C1QTNF8: variants seen among roughly 807,000 people sequenced by gnomAD.
C1QTNF8 encodes complement C1q tumor necrosis factor-related protein 8.
A neutral mutation model predicts 19.2 loss-of-function variants in C1QTNF8; 27 were observed. The observed-to-expected ratio is 1.41, with a 90% CI of 1.04 to 1.94. The LOEUF (loss-of-function observed/expected upper bound fraction) is 1.94. Ranked by LOEUF, C1QTNF8 falls within the 30% of genes most tolerant of loss-of-function variation. C1QTNF8 has a pLI of 0.00. For synonymous variants in C1QTNF8, 208 were observed against 172.8 expected (o/e 1.20, Z -1.60); for missense variants, 484 against 374.4 (o/e 1.29, Z -2.42).
intron 4 of C1QTNF8, 41 bp downstream of exon 4, chr16:1,093,456 A>ACGCG (rs138526622): frequency 0.029 from 33,289 of 1,157,054 alleles, 2,027 homozygotes; most frequent in African/African-American, 0.22. Flanking sequence ...ACACACACAC[A>ACGCG]CGCGCGCGCG....
rs1960628598 is a variant in C1QTNF8, at chr16:1,093,930, G to C, written c.330C>G (p.Ala110=). The C allele has an allele frequency of 6.7e-7, 1 of 1,500,234 alleles. No individual in the cohort carries two copies. Among genetic ancestry groups the C allele is most frequent in the African/African-American group, 1.4e-5 (1 of 69,780 alleles). 92.9% of individuals were successfully genotyped at this position (1,500,234 alleles called of 1,614,324 possible). The change falls in exon 4 of 5, where the codon GCC becomes GCG. Residue 110 remains alanine (A), a synonymous_variant. Coordinates refer to ENST00000328449, the MANE Select transcript of C1QTNF8 (RefSeq NM_207419.3). ...AGGCGGCGTAGGCACGTCGGCACGC[G>C]GCGCCCGGCGGCCCCACCTGCCCCT... is the stretch of plus-strand genomic sequence containing the variant. The part of the protein sequence containing the change: ...GQKGQVGPPG[A]ACRRAYAAFS...
At position 1,092,656 on chromosome 16, in the gene C1QTNF8, G is replaced by A. The variant is rs867172850; in HGVS notation, c.*4+841C>T. On this transcript the variant is annotated intron_variant, in intron 4 of 4. Coordinates refer to ENST00000328449, the MANE Select transcript of C1QTNF8 (RefSeq NM_207419.3). ...CAACCAATCACAGCACACAGTCGGCGCTCAACCAATCACAGCACACAGTCG... is the reference window on the plus strand; with the variant it reads ...CAACCAATCACAGCACACAGTCGGCACTCAACCAATCACAGCACACAGTCG... 2.6e-3 allele frequency among the ~76,000 whole-genome samples: 289 copies of A among 112,542 alleles called. 2 individuals are homozygous for A. The highest frequency in any genetic ancestry group is 0.012 in the African/African-American group (265 of 22,944). 73.8% of individuals were successfully genotyped at this position (112,542 alleles called of 152,430 possible). A position where few individuals can be genotyped will look rare whatever the true frequency, so the allele number is the denominator to read the frequency against.
At chr16:1,091,472 C>T (rs775767592) in intron 4 of C1QTNF8, among the ~76,000 whole-genome samples, 2 of 152,074 alleles carry the variant, frequency 1.3e-5, no homozygotes, top group Non-Finnish European at 2.9e-5. Context: ...CAAGTGAGCA[C>T]GTGGCTGGGA....
At chr16:1,093,159 C>T (rs200587409) in intron 4 of C1QTNF8, among the ~76,000 whole-genome samples, 2 of 147,500 alleles carry the variant, frequency 1.4e-5, no homozygotes, top group East Asian at 4.1e-4. Flanking sequence ...ACACAGTCGG[C>T]GCTCAATCAA....
Position 1,094,715 on chromosome 16 carries a change from C to T in C1QTNF8, c.208G>A (p.Gly70Ser), listed in dbSNP as rs768140425. ...RPTIDIEILK[G>S]EKGEAGVRGR... ...TGCAGGCAGCACCCACGGGCCTCAC[C>T]TTTGAGGATTTCGATGTCTATAGTG... Residue 70 changes from glycine to serine, a missense_variant and splice_region_variant, in exon 3 of 5, where the codon GGT becomes AGT. Physicochemically the swap from Gly to Ser is moderately conservative, Grantham distance 56. Transcript: ENST00000328449. 3.1e-6 allele frequency: 5 copies of T among 1,593,880 alleles called. No homozygotes were observed. In the African/African-American group the frequency reaches 6.8e-5, roughly 22 times the overall value.
intron 4 of C1QTNF8, among the ~76,000 whole-genome samples, chr16:1,091,848 C>T (rs1488305768): frequency 2.1e-5 from 3 of 145,752 alleles, no homozygotes; most frequent in Non-Finnish European, 3.0e-5. Context: ...CCCACCCTCC[C>T]GGCCACCGTG....
chr16:1,094,468 G>C (rs113972671), intron 3 of C1QTNF8: 1 of 487,346 alleles, frequency 2.1e-6, no homozygotes. Context: ...GGGGATCTCA[G>C]GAACCCTGGC....
In C1QTNF8 at chr16:1,093,791, G is replaced by T; in HGVS notation, c.469C>A (p.Leu157Ile). Residue 157 changes from leucine (L) to isoleucine (I), a missense_variant, in exon 4 of 5, where the codon CTC becomes ATC. By Grantham distance (5) the Leu-to-Ile change is conservative. Transcript: ENST00000328449. ...GAFDLAAGRF[L>I]CTVPGVYFLS... ...AAGTAGACGCCGGGCACCGTGCAGA[G>T]GAAGCGGCCCGCGGCCAGGTCGAAG... is the stretch of plus-strand genomic sequence containing the variant. 6.2e-7 allele frequency: 1 copy of T among 1,611,870 alleles called. No homozygotes were observed.
In C1QTNF8 at chr16:1,093,456, A is replaced by ACGCGCG. The variant is rs138526622; in HGVS notation, c.*4+35_*4+40dup. 1,148 of 1,159,834 alleles carry ACGCGCG rather than the reference A, an allele frequency of 9.9e-4. 49 individuals are homozygous for ACGCGCG. The African/African-American group carries it at 0.021, about 21-fold the overall frequency. The allele number at this position is 1,159,834 out of a possible 1,614,324, so 71.8% of individuals were successfully genotyped here. On this transcript the variant is annotated intron_variant, in intron 4 of 4. Transcript: ENST00000328449. ...CACACACACACAGACACACACACAC[A>ACGCGCG]CGCGCGCGCGCGCCCGGTGCTCAGC...
Position 1,094,650 on chromosome 16 carries a change from C to T in C1QTNF8, c.208+65G>A, listed in dbSNP as rs1218506289. 6.4e-6 allele frequency: 9 copies of T among 1,408,654 alleles called. No homozygotes were observed. In the African/African-American group the frequency reaches 7.3e-5, roughly 11 times the overall value. 87.3% of individuals were successfully genotyped at this position (1,408,654 alleles called of 1,614,324 possible). On this transcript the variant is annotated intron_variant, in intron 3 of 4. Transcript: ENST00000328449. Reference sequence around the variant, plus strand: ...CCCCTCCTCCCAAGCCCCAGGTGCTCCCCACTCCCTGTGGGCTGTTGGGTC... The same window carrying T: ...CCCCTCCTCCCAAGCCCCAGGTGCTTCCCACTCCCTGTGGGCTGTTGGGTC...
intron 4 of C1QTNF8, among the ~76,000 whole-genome samples, chr16:1,091,501 A>G (rs578086251): frequency 1.3e-5 from 2 of 152,202 alleles, no homozygotes; most frequent in Non-Finnish European, 2.9e-5. Flanking sequence ...GGGAGGGGCC[A>G]CAGCTGCTCC....
intron 2 of C1QTNF8, among the ~76,000 whole-genome samples, chr16:1,095,385 C>A (rs1960665036): frequency 6.6e-6 from 1 of 152,200 alleles, no homozygotes; most frequent in East Asian, 1.9e-4. Flanking sequence ...TGCACAGAGG[C>A]ACCGTCTCAG....
At chr16:1,093,427 C>G (rs1960602457) in intron 4 of C1QTNF8, 70 bp downstream of exon 4, 1 of 746,656 alleles carries the variant, frequency 1.3e-6, no homozygotes, top group Non-Finnish European at 1.8e-6. Flanking sequence ...CACCCACCCC[C>G]ACACACACAC....
intron 4 of C1QTNF8, among the ~76,000 whole-genome samples, chr16:1,093,160 G>A (rs1370189712): frequency 2.7e-5 from 4 of 145,928 alleles, no homozygotes; most frequent in African/African-American, 1.0e-4. Context: ...CACAGTCGGC[G>A]CTCAATCAAT....
At chr16:1,090,973 T>C (rs954568751) in intron 4 of C1QTNF8, among the ~76,000 whole-genome samples, 1 of 152,138 alleles carries the variant, frequency 6.6e-6, no homozygotes, top group Non-Finnish European at 1.5e-5. Context: ...CACCCTGATG[T>C]TGGGGGCTGT....
rs1040660867 is a variant in C1QTNF8 at position 1,089,522 on chromosome 16, G to A, written c.*1077C>T. Among the ~76,000 whole-genome samples, 1 of 152,206 alleles carries A rather than the reference G, an allele frequency of 6.6e-6. No homozygotes were observed. The highest frequency in any genetic ancestry group is 6.5e-5 in the Admixed American group (1 of 15,286). On this transcript the variant is annotated 3_prime_UTR_variant, in exon 5 of 5. Transcript: ENST00000328449. ...GGCCTTTGCGCACCCCCTGCTGCAC[G>A]GGAAGCTGAGGCGACAGGCAGAGCT...
Position 1,094,054 on chromosome 16 carries a change from G to A in C1QTNF8, c.209-3C>T, listed in dbSNP as rs375246712. 4 of 1,445,018 alleles carry A rather than the reference G, an allele frequency of 2.8e-6. No homozygotes were observed. Among genetic ancestry groups the A allele is most frequent in the Admixed American group, 2.9e-5 (1 of 34,502 alleles). 89.5% of individuals were successfully genotyped at this position (1,445,018 alleles called of 1,614,324 possible). Reference sequence around the variant, plus strand: ...GACGCCGGCCTCACCCTTCTCACCTGCAGGGGACAAACGAAAGCCACGGGT... The same window carrying A: ...GACGCCGGCCTCACCCTTCTCACCTACAGGGGACAAACGAAAGCCACGGGT... On this transcript the variant is annotated splice_region_variant and splice_polypyrimidine_tract_variant and intron_variant, in intron 3 of 4. Transcript: ENST00000328449.
rs1474329129 is a variant in C1QTNF8 at position 1,088,714 on chromosome 16, G to A, written c.*1885C>T. ...CCCCACCCCGGTTCTCTGAGAACCA[G>A]GGTCGCCACTGGCATTCATTAGACA... is the stretch of plus-strand genomic sequence containing the variant. On this transcript the variant is annotated 3_prime_UTR_variant, in exon 5 of 5. Coordinates refer to ENST00000328449, the MANE Select transcript of C1QTNF8 (RefSeq NM_207419.3). Among the ~76,000 whole-genome samples the A allele has an allele frequency of 2.0e-5, 2 of 101,524 alleles. No individual in the cohort carries two copies. Among genetic ancestry groups the A allele is most frequent in the Non-Finnish European group, 4.2e-5 (2 of 47,820 alleles). 66.6% of individuals were successfully genotyped at this position (101,524 alleles called of 152,430 possible). A position where few individuals can be genotyped will look rare whatever the true frequency, so the allele number is the denominator to read the frequency against.
intron 4 of C1QTNF8, among the ~76,000 whole-genome samples, chr16:1,091,262 G>A (rs187704777): frequency 4.5e-4 from 68 of 152,202 alleles, no homozygotes; most frequent in African/African-American, 1.5e-3. Context: ...GCCCCCACCC[G>A]GGGATGCTTT....
Sources: allele counts gnomAD v4.1 joint callset (sites outside exome capture counted in the v4.1 genomes callset), GRCh38; gene constraint gnomAD v4.1.1; transcripts MANE v1.5; gene names NCBI Gene and HGNC (gene_info 2026-07-23, HGNC 2026-07-21).